Variants in STPG2 observed in about 807,000 individuals in gnomAD.
STPG2 encodes the protein sperm-tail PG-rich repeat-containing protein 2.
A neutral mutation model predicts 54.2 loss-of-function variants in STPG2; 56 were observed. The observed-to-expected ratio is 1.03, with a 90% CI of 0.83 to 1.29. The LOEUF is 1.29. Ranked by LOEUF, STPG2 falls within the 50% of genes most tolerant of loss-of-function variation. The pLI, the probability that STPG2 is intolerant of heterozygous loss-of-function variation, is 0.00. For synonymous variants in STPG2, 200 were observed against 181.8 expected (o/e 1.10, Z -0.81); for missense variants, 596 against 544.9 (o/e 1.09, Z -0.93).
At chr4:97,455,085 T>C (rs1214124823) in intron 4 of STPG2, among the ~76,000 whole-genome samples, 1 of 152,020 alleles carries the variant, frequency 6.6e-6, no homozygotes, top group Non-Finnish European at 1.5e-5. Flanking sequence ...ACAGATCTTA[T>C]AACCTTCACA....
At chr4:98,100,955 C>T (rs909566574) in intron 5 of STPG2, among the ~76,000 whole-genome samples, 10 of 152,150 alleles carry the variant, frequency 6.6e-5, no homozygotes, top group Middle Eastern at 3.4e-3. Flanking sequence ...GGATTACAGT[C>T]GTGAGCCACT....
chr4:97,927,588 T>C (rs1732382627), intron 8 of STPG2, among the ~76,000 whole-genome samples: 1 of 152,166 alleles, frequency 6.6e-6, no homozygotes, highest in Admixed American at 6.5e-5. Flanking sequence ...GAGATCTTTA[T>C]GCTTATATAG....
chr4:98,083,561 C>T (rs190805301), intron 5 of STPG2, among the ~76,000 whole-genome samples: 35 of 152,270 alleles, frequency 2.3e-4, no homozygotes, highest in Admixed American at 2.6e-4. Context: ...ATTTCCATCA[C>T]ATTTATCAAT....
chr4:97,643,453 A>AT (rs140115807), intron 10 of STPG2, among the ~76,000 whole-genome samples: 20,043 of 151,570 alleles, frequency 0.13, 4,078 homozygotes, highest in African/African-American at 0.44. Flanking sequence ...TAAGTACAGC[A>AT]TTTTTGAAAC....
intron 10 of STPG2, among the ~76,000 whole-genome samples, chr4:97,619,736 C>T (rs1448569681): frequency 6.6e-6 from 1 of 151,882 alleles, no homozygotes; most frequent in Non-Finnish European, 1.5e-5. Flanking sequence ...CCTTGAAGTT[C>T]TTCTCTCTTG....
chr4:97,451,763 A>T (rs1367214095), intron 4 of STPG2, among the ~76,000 whole-genome samples: 1 of 152,204 alleles, frequency 6.6e-6, no homozygotes, highest in Non-Finnish European at 1.5e-5. Context: ...GAGACTCTCC[A>T]TCTGATATCT....
intron 10 of STPG2, among the ~76,000 whole-genome samples, chr4:97,598,554 G>GT (rs947309245): frequency 3.8e-5 from 5 of 129,900 alleles, no homozygotes; most frequent in African/African-American, 1.9e-4. Context: ...CATGGTACTG[G>GT]TAAAAAAAAA....
intron 5 of STPG2, among the ~76,000 whole-genome samples, chr4:97,986,358 A>C (rs532752425): frequency 4.2e-4 from 64 of 152,190 alleles, no homozygotes; most frequent in Non-Finnish European, 7.5e-4. Flanking sequence ...CCTTACAAAT[A>C]TGTTAGATAC....
rs896665027 is a variant in STPG2 at position 97,927,546 on chromosome 4, TAA to T, written c.1044+16349_1044+16350del. Among the ~76,000 whole-genome samples, 36 of 152,230 alleles carry T rather than the reference TAA, an allele frequency of 2.4e-4. 1 individual carries two copies. The highest frequency in any genetic ancestry group is 7.7e-4 in the African/African-American group (32 of 41,556). ...GCTAAACAATAGTGATTACATTTTT[TAA>T]AAAAAGTTATATACCTTATAATAAC... On this transcript the variant is annotated intron_variant, in intron 8 of 10. Coordinates refer to ENST00000295268, the MANE Select transcript of STPG2 (RefSeq NM_174952.3).
At chr4:97,798,179 T>C (rs1410124017) in intron 9 of STPG2, among the ~76,000 whole-genome samples, 1 of 152,218 alleles carries the variant, frequency 6.6e-6, no homozygotes, top group Non-Finnish European at 1.5e-5. Context: ...TGTCTCTATC[T>C]CTTTCAGTTC....
At chr4:97,839,917 G>T (rs1728745285) in intron 9 of STPG2, among the ~76,000 whole-genome samples, 1 of 151,258 alleles carries the variant, frequency 6.6e-6, no homozygotes, top group South Asian at 2.1e-4. Flanking sequence ...CATTACAATG[G>T]TATGGTTGTT....
rs549820690 is a variant in STPG2 at position 97,969,901 on chromosome 4, A to C, written c.933+2379T>G. Among the ~76,000 whole-genome samples, 17 of 152,330 alleles carry C rather than the reference A, an allele frequency of 1.1e-4. No homozygotes were observed. In the South Asian group the frequency reaches 3.5e-3, roughly 32 times the overall value. ...CTGTTTGCAGATGACATGCTTGTAT[A>C]TTTAGAAAACTCCATCGTCTCAGCC... On this transcript the variant is annotated intron_variant, in intron 7 of 10. Coordinates refer to ENST00000295268, the MANE Select transcript of STPG2 (RefSeq NM_174952.3).
intron 4 of STPG2, among the ~76,000 whole-genome samples, chr4:97,552,419 T>C (rs1731985295): frequency 2.0e-5 from 3 of 152,124 alleles, no homozygotes; most frequent in African/African-American, 7.2e-5. Flanking sequence ...CAGTAAGTAA[T>C]TTTTCTAGCT....
intron 4 of STPG2, among the ~76,000 whole-genome samples, chr4:97,462,320 T>C (rs1262230564): frequency 6.6e-6 from 1 of 152,036 alleles, no homozygotes; most frequent in Non-Finnish European, 1.5e-5. Flanking sequence ...TATATAAATC[T>C]TAATATTTGG....
At chr4:97,685,769 T>C (rs1560718440) in intron 10 of STPG2, among the ~76,000 whole-genome samples, 1 of 152,176 alleles carries the variant, frequency 6.6e-6, no homozygotes, top group Non-Finnish European at 1.5e-5. Context: ...AAGAATTTAA[T>C]AACAGCAGAA....
intron 3 of STPG2, among the ~76,000 whole-genome samples, chr4:98,123,195 A>G (rs760261000): frequency 6.6e-6 from 1 of 152,076 alleles, no homozygotes; most frequent in Non-Finnish European, 1.5e-5. Context: ...TATCTCCTTC[A>G]GTACCATTCT....
Position 97,510,456 on chromosome 4 carries a change from C to T in STPG2, c.462+202243G>A, listed in dbSNP as rs551878773. On this transcript the variant is annotated intron_variant, in intron 4 of 4. Transcript: ENST00000522676. Reference sequence around the variant, plus strand: ...CTGTGTGGTAGTGTGTAGATAACTGCAAATCATTGATTCATTCACATGTAC... The same window carrying T: ...CTGTGTGGTAGTGTGTAGATAACTGTAAATCATTGATTCATTCACATGTAC... Among the ~76,000 whole-genome samples the T allele has an allele frequency of 4.0e-5, 6 of 151,896 alleles. No individual in the cohort carries two copies. In the South Asian group the frequency reaches 6.2e-4, roughly 16 times the overall value.
intron 5 of STPG2, among the ~76,000 whole-genome samples, chr4:98,027,607 A>G (rs956590031): frequency 1.1e-4 from 16 of 152,240 alleles, no homozygotes; most frequent in Admixed American, 3.3e-4. Flanking sequence ...GTAGAACACC[A>G]GACAAACATT....
At chr4:97,475,367 A>G (rs1314771219) in intron 4 of STPG2, among the ~76,000 whole-genome samples, 3 of 151,562 alleles carry the variant, frequency 2.0e-5, no homozygotes, top group Admixed American at 1.3e-4. Context: ...TAGGTGTGTT[A>G]TGACTTTTTC....
Sources: allele counts gnomAD v4.1 joint callset (sites outside exome capture counted in the v4.1 genomes callset), GRCh38; gene constraint gnomAD v4.1.1; transcripts MANE v1.5; gene names NCBI Gene and HGNC (gene_info 2026-07-23, HGNC 2026-07-21).